The following TRAP1 variants were observed in gnomAD, a reference collection of about 807,000 sequenced individuals.
TRAP1 encodes heat shock protein 75 kDa, mitochondrial.
TRAP1 carries 102 observed loss-of-function variants against 89.1 expected under a neutral mutation model. That is an observed-to-expected ratio of 1.15 (90% confidence interval 0.98 to 1.35). TRAP1 has a LOEUF of 1.35. TRAP1 is among the 40% of genes most tolerant of loss of function. The pLI, the probability that TRAP1 is intolerant of heterozygous loss-of-function variation, is 0.00. For synonymous variants in TRAP1, 508 were observed against 388.0 expected, an observed-to-expected ratio of 1.31 and a Z score of -3.64; for missense variants, 1,256 against 945.3, an observed-to-expected ratio of 1.33 and a Z score of -4.31.
At chr16:3,699,561 G>A (rs1022880897) in intron 1 of TRAP1, among the ~76,000 whole-genome samples, 1 of 149,332 alleles carries the variant, frequency 6.7e-6, no homozygotes, top group Non-Finnish European at 1.5e-5. Flanking sequence ...ACGAGGCAGA[G>A]GTTGCGGTGA....
At chr16:3,673,517 G>A (rs2050943918) in intron 9 of TRAP1, among the ~76,000 whole-genome samples, 1 of 152,154 alleles carries the variant, frequency 6.6e-6, no homozygotes, top group Admixed American at 6.5e-5. Context: ...TCAAATGTTG[G>A]GAGACCTGGT....
At chr16:3,707,498 T>A (rs1413369769) in intron 1 of TRAP1, among the ~76,000 whole-genome samples, 2 of 151,084 alleles carry the variant, frequency 1.3e-5, no homozygotes, top group Non-Finnish European at 2.9e-5. Context: ...AGAGGAAATG[T>A]TTCTAAACAA....
intron 15 of TRAP1, 21 bp downstream of exon 15, chr16:3,662,861 C>G (rs2043165808): frequency 6.2e-7 from 1 of 1,612,634 alleles, no homozygotes; most frequent in Non-Finnish European, 8.5e-7. Flanking sequence ...AAGTGGTGGT[C>G]CATCCCCGGG....
At chr16:3,691,143 T>A (rs1161642585) in intron 1 of TRAP1, 158 bp from the exon 2 acceptor site, 1 of 610,092 alleles carries the variant, frequency 1.6e-6, no homozygotes, top group Non-Finnish European at 2.5e-6. Flanking sequence ...TGCCACAGTG[T>A]CAGGGTGTGG....
intron 1 of TRAP1, among the ~76,000 whole-genome samples, chr16:3,697,252 C>G (rs926593358): frequency 6.6e-6 from 1 of 152,120 alleles, no homozygotes; most frequent in African/African-American, 2.4e-5. Context: ...AGCACTGTCC[C>G]GTATTTTTAA....
chr16:3,705,518 A>G (rs1369636289), intron 1 of TRAP1, among the ~76,000 whole-genome samples: 1 of 152,216 alleles, frequency 6.6e-6, no homozygotes, highest in Non-Finnish European at 1.5e-5. Flanking sequence ...AAATGAAATC[A>G]TACAATATAT....
chr16:3,675,033 C>T, intron 8 of TRAP1: 1 of 428,226 alleles, frequency 2.3e-6, no homozygotes, highest in Non-Finnish European at 4.3e-6. Context: ...GGCTGCACAG[C>T]TCTGTGGCTG....
At chr16:3,662,173 A>G (rs374792668) in intron 15 of TRAP1, 41 bp from the exon 16 acceptor site, 8 of 1,586,500 alleles carry the variant, frequency 5.0e-6, no homozygotes, top group Non-Finnish European at 8.6e-7. Flanking sequence ...AGAGGTTCCC[A>G]ATGTGAGAGG....
intron 4 of TRAP1, among the ~76,000 whole-genome samples, chr16:3,685,410 A>G (rs2051125800): frequency 6.6e-6 from 1 of 152,140 alleles, no homozygotes. Context: ...CTTCAGAGCA[A>G]GCCAGCACCC....
chr16:3,698,763 G>A (rs1449232997), intron 1 of TRAP1, among the ~76,000 whole-genome samples: 1 of 152,072 alleles, frequency 6.6e-6, no homozygotes, highest in African/African-American at 2.4e-5. Flanking sequence ...GCCAGGTGTG[G>A]TGGTGCATGC....
intron 13 of TRAP1, chr16:3,664,069 AC>A (rs1358101772): frequency 1.8e-6 from 1 of 561,812 alleles, no homozygotes; most frequent in Non-Finnish European, 3.0e-6. Flanking sequence ...TCTCAAAAAA[AC>A]AAAAAACAAA....
At chr16:3,664,581 G>A (rs983173827) in intron 12 of TRAP1, 122 bp from the exon 13 acceptor site, 37 of 1,094,300 alleles carry the variant, frequency 3.4e-5, no homozygotes, top group South Asian at 9.2e-5. Context: ...GCCCTGACCC[G>A]AGGGACGGTA....
chr16:3,672,718 AC>A lies in TRAP1; in HGVS notation c.1146del (p.Lys382AsnfsTer17). 6.2e-7 allele frequency: 1 copy of A among 1,609,946 alleles called. No homozygotes were observed. Among genetic ancestry groups the A allele is most frequent in the Non-Finnish European group, 8.5e-7 (1 of 1,178,406 alleles). On this transcript the variant is annotated frameshift_variant, in exon 10 of 18. Coordinates refer to ENST00000246957, the MANE Select transcript of TRAP1 (RefSeq NM_016292.3). LOFTEE classifies it high-confidence loss of function. The stretch of plus-strand genomic sequence containing the variant: ...AGCGTACCTCGGATGAAGCGCAGCC[AC>A]TTGGGCAGGATGTCCGTGGCCTTGG... ...IQTKATDILPKWLRFIRGVVD... is the reference protein window; with the variant it reads ...IQTKATDILPXWLRFIRGVVD...
At chr16:3,692,383 A>C (rs185594284) in intron 1 of TRAP1, among the ~76,000 whole-genome samples, 4 of 151,842 alleles carry the variant, frequency 2.6e-5, no homozygotes, top group Non-Finnish European at 5.9e-5. Context: ...TAAAAATACA[A>C]AAGTTAGCCG....
chr16:3,670,222 G>A (rs2050893251), intron 11 of TRAP1, among the ~76,000 whole-genome samples: 1 of 150,278 alleles, frequency 6.7e-6, no homozygotes, highest in Non-Finnish European at 1.5e-5. Context: ...CTCTACTAAA[G>A]ATATAAAAAA....
intron 1 of TRAP1, among the ~76,000 whole-genome samples, chr16:3,698,492 T>TG (rs921747011): frequency 4.4e-4 from 66 of 151,366 alleles, no homozygotes; most frequent in African/African-American, 1.5e-3. Context: ...TTAGTAGAGA[T>TG]GGGGTTTCAC....
chr16:3,711,676 T>C (rs1294715466), intron 1 of TRAP1, among the ~76,000 whole-genome samples: 1 of 151,930 alleles, frequency 6.6e-6, no homozygotes, highest in African/African-American at 2.4e-5. Context: ...CGCAAGTAGA[T>C]ACTGTTTCTC....
At chr16:3,673,281 A>G (rs1316174706) in intron 9 of TRAP1, among the ~76,000 whole-genome samples, 1 of 152,232 alleles carries the variant, frequency 6.6e-6, no homozygotes, top group Non-Finnish European at 1.5e-5. Context: ...GTGTCTACGC[A>G]GCTCATGGGA....
intron 11 of TRAP1, among the ~76,000 whole-genome samples, chr16:3,669,498 C>G (rs1159986397): frequency 6.6e-6 from 1 of 152,110 alleles, no homozygotes; most frequent in African/African-American, 2.4e-5. Context: ...CAAGTAACCC[C>G]ACCCCTAGTA....
Sources: allele counts gnomAD v4.1 joint callset (sites outside exome capture counted in the v4.1 genomes callset), GRCh38; gene constraint gnomAD v4.1.1; transcripts MANE v1.5; gene names NCBI Gene and HGNC (gene_info 2026-07-23, HGNC 2026-07-21).